RABGAP1L: variants seen among roughly 807,000 people sequenced by gnomAD.
RABGAP1L encodes the protein RAB GTPase activating protein 1 like.
Under a neutral mutation model 137.7 loss-of-function variants are expected in RABGAP1L, and 63 were observed. The observed-to-expected ratio is 0.46, with a 90% CI of 0.37 to 0.56. RABGAP1L has a LOEUF of 0.56. Ranked by LOEUF, RABGAP1L falls within the 20% of genes least tolerant of loss-of-function variation. The pLI, the probability that RABGAP1L is intolerant of heterozygous loss-of-function variation, is 0.00. For missense variants in RABGAP1L, 1,095 were observed against 1,244.0 expected (o/e 0.88, Z 1.80); for synonymous variants, 431 against 433.7 (o/e 0.99, Z 0.08).
intron 13 of RABGAP1L, among the ~76,000 whole-genome samples, chr1:174,629,555 G>A (rs1673168884): frequency 6.6e-6 from 1 of 151,952 alleles, no homozygotes; most frequent in African/African-American, 2.4e-5. Context: ...TTTTTTTTGA[G>A]ACGGAGTCTC....
chr1:174,399,534 C>A lies in RABGAP1L; in HGVS notation c.1710+5389C>A, dbSNP rs562228770. Among the ~76,000 whole-genome samples, 306 of 152,214 alleles carry A rather than the reference C, an allele frequency of 2.0e-3. 1 individual carries two copies. Among genetic ancestry groups the A allele is most frequent in the South Asian group, 5.4e-3 (26 of 4,820 alleles). ...TTTATAAAAAATTGCTTTATAAAAA[C>A]CCTACCAGAGGCCTCAGATTACACA... On this transcript the variant is annotated intron_variant, in intron 13 of 25. Coordinates refer to ENST00000681986, the MANE Select transcript of RABGAP1L (RefSeq NM_001366446.1).
intron 13 of RABGAP1L, among the ~76,000 whole-genome samples, chr1:174,579,084 A>G (rs1011419021): frequency 1.3e-5 from 2 of 152,116 alleles, no homozygotes; most frequent in Non-Finnish European, 2.9e-5. Context: ...CCTTTTTCAG[A>G]TTTAGCAAAC....
chr1:174,413,358 CT>C (rs1396999959), intron 13 of RABGAP1L, among the ~76,000 whole-genome samples: 1 of 152,120 alleles, frequency 6.6e-6, no homozygotes, highest in African/African-American at 2.4e-5. Flanking sequence ...TCCTGGCTTG[CT>C]TTAGACGTTT....
chr1:174,175,511 A>G (rs1333678521), intron 1 of RABGAP1L, among the ~76,000 whole-genome samples: 2 of 142,692 alleles, frequency 1.4e-5, no homozygotes, highest in Non-Finnish European at 1.5e-5. Context: ...TTTTTTTGAG[A>G]CAGAGTCTTG....
chr1:174,601,925 C>T (rs1670445339), intron 13 of RABGAP1L, among the ~76,000 whole-genome samples: 1 of 152,100 alleles, frequency 6.6e-6, no homozygotes, highest in South Asian at 2.1e-4. Context: ...GCCCCATTTC[C>T]CAACAAGTTC....
intron 13 of RABGAP1L, among the ~76,000 whole-genome samples, chr1:174,428,069 G>T (rs1470230361): frequency 6.6e-6 from 1 of 152,140 alleles, no homozygotes; most frequent in African/African-American, 2.4e-5. Context: ...CTTTCTGCTG[G>T]CATTTCATCT....
At chr1:174,332,912 C>T (rs1011937699) in intron 11 of RABGAP1L, among the ~76,000 whole-genome samples, 2 of 152,066 alleles carry the variant, frequency 1.3e-5, no homozygotes, top group African/African-American at 4.8e-5. Context: ...ATATGGAGTC[C>T]ACCTAAATGT....
intron 19 of RABGAP1L, among the ~76,000 whole-genome samples, chr1:174,828,890 TTAG>T (rs1292975142): frequency 6.7e-6 from 1 of 148,362 alleles, no homozygotes; most frequent in Non-Finnish European, 1.5e-5. Context: ...TTCCATTTAA[TTAG>T]TAGCTGTTTG....
Position 174,300,665 on chromosome 1 carries a change from C to G in RABGAP1L, c.1324-4321C>G, listed in dbSNP as rs190315694. ...TGGTGGCTTATGCCTGTATTCCTAGCACTTTGGGAGGCCAAGGTGGGTGAA... is the reference window on the plus strand; with the variant it reads ...TGGTGGCTTATGCCTGTATTCCTAGGACTTTGGGAGGCCAAGGTGGGTGAA... On this transcript the variant is annotated intron_variant, in intron 10 of 25. Transcript: ENST00000681986. Among the ~76,000 whole-genome samples the G allele has an allele frequency of 6.8e-4, 104 of 152,042 alleles. 1 individual carries two copies. The highest frequency in any genetic ancestry group is 2.3e-3 in the African/African-American group (95 of 41,454).
chr1:174,892,323 C>T (rs1656314154), intron 19 of RABGAP1L: 1 of 332,676 alleles, frequency 3.0e-6, no homozygotes, highest in Non-Finnish European at 5.8e-6. Flanking sequence ...TCAGCCATTG[C>T]TGAAAAGTCT....
intron 13 of RABGAP1L, among the ~76,000 whole-genome samples, chr1:174,414,874 A>G (rs913954788): frequency 2.0e-5 from 3 of 151,904 alleles, no homozygotes; most frequent in Admixed American, 6.6e-5. Flanking sequence ...ATTGAAAACT[A>G]GTTTCCTAGT....
intron 1 of RABGAP1L, among the ~76,000 whole-genome samples, chr1:174,179,554 ACACACACAC>A (rs1470544389): frequency 3.3e-5 from 4 of 121,798 alleles, no homozygotes; most frequent in African/African-American, 2.8e-4. Context: ...GCACACACAC[ACACACACAC>A]ACACACACAC....
chr1:174,597,286 G>T (rs1572447142), intron 13 of RABGAP1L, among the ~76,000 whole-genome samples: 2 of 152,248 alleles, frequency 1.3e-5, no homozygotes, highest in East Asian at 1.9e-4. Context: ...AGTTTGAATA[G>T]GATTGATATT....
chr1:174,541,451 T>C (rs568008928), intron 13 of RABGAP1L, among the ~76,000 whole-genome samples: 8 of 152,218 alleles, frequency 5.3e-5, no homozygotes, highest in South Asian at 4.1e-4. Flanking sequence ...TCTTATTATT[T>C]TGAGATATGT....
Position 174,761,581 on chromosome 1 carries a change from T to G in RABGAP1L, c.2211+9227T>G. 6.6e-6 allele frequency among the ~76,000 whole-genome samples: 1 copy of G among 152,138 alleles called. No homozygotes were observed. The highest frequency in any genetic ancestry group is 1.9e-4 in the East Asian group (1 of 5,202). On this transcript the variant is annotated intron_variant, in intron 18 of 25. Coordinates refer to ENST00000681986, the MANE Select transcript of RABGAP1L (RefSeq NM_001366446.1). This position sits in a 1 kb window ranked among gnomAD's most constrained non-coding sequence, Gnocchi z 4.0. ...CCGCCTAGCAGAGGCGCTCCTCATT[T>G]TTCAGACGGTGCGGCCGCCAGGCAG... is the stretch of plus-strand genomic sequence containing the variant.
At chr1:174,268,264 A>G (rs1256134784) in intron 7 of RABGAP1L, among the ~76,000 whole-genome samples, 1 of 150,126 alleles carries the variant, frequency 6.7e-6, no homozygotes, top group Admixed American at 6.6e-5. Context: ...CACTGGTGCA[A>G]TCTCGGCTCA....
chr1:174,595,612 C>A (rs973694757), intron 13 of RABGAP1L, among the ~76,000 whole-genome samples: 1 of 149,888 alleles, frequency 6.7e-6, no homozygotes, highest in South Asian at 2.1e-4. Flanking sequence ...GAATACCCTG[C>A]GATGTGAGGT....
At chr1:174,228,226 T>C (rs1377385344) in intron 3 of RABGAP1L, among the ~76,000 whole-genome samples, 1 of 152,120 alleles carries the variant, frequency 6.6e-6, no homozygotes, top group Non-Finnish European at 1.5e-5. Flanking sequence ...TACTGTTTTA[T>C]ATTTGGAATC....
At chr1:174,263,877 G>T (rs1673804381) in intron 7 of RABGAP1L, among the ~76,000 whole-genome samples, 1 of 151,588 alleles carries the variant, frequency 6.6e-6, no homozygotes, top group Non-Finnish European at 1.5e-5. Context: ...TTTTTTGGGG[G>T]GCCGGGGGAT....
Sources: gnomAD v4.1 joint callset for allele counts (sites outside exome capture counted in the v4.1 genomes callset) on GRCh38, gnomAD v4.1.1 for gene constraint, Gnocchi (gnomAD v3.1) non-coding constraint, MANE v1.5 for transcripts, NCBI Gene and HGNC (gene_info 2026-07-23, HGNC 2026-07-21) for gene names.